CDH18: variants seen among roughly 807,000 people sequenced by gnomAD.
CDH18 encodes the protein cadherin-18.
CDH18 carries 31 observed loss-of-function variants against 67.9 expected under a neutral mutation model. That is an observed-to-expected ratio of 0.46 (90% CI 0.34 to 0.62). The LOEUF is 0.62. Ranked by LOEUF, CDH18 falls within the 20% of genes least tolerant of loss-of-function variation. CDH18 has a pLI of 0.01. For missense variants in CDH18, 890 were observed against 975.5 expected (o/e 0.91, Z 1.17); for synonymous variants, 362 against 347.2 (o/e 1.04, Z -0.48).
rs540915111 is a variant in CDH18, at chr5:20,461,642, T to C, written c.-580+113820A>G. ...CTTGCTAGATACAATCTAGTTTACT[T>C]TGGGGCAAGAGGAAGACTATTAACT... On this transcript the variant is annotated intron_variant, in intron 1 of 14. Transcript: ENST00000507958. Among the ~76,000 whole-genome samples, 780 of 152,182 alleles carry C rather than the reference T, an allele frequency of 5.1e-3. 4 individuals are homozygous for C. The highest frequency in any genetic ancestry group is 9.3e-3 in the Non-Finnish European group (634 of 68,014).
At chr5:19,822,958 G>A (rs1158864543) in intron 3 of CDH18, among the ~76,000 whole-genome samples, 1 of 152,132 alleles carries the variant, frequency 6.6e-6, no homozygotes, top group Non-Finnish European at 1.5e-5. Flanking sequence ...GGCCATTTTA[G>A]AGGCCCACCC....
intron 3 of CDH18, among the ~76,000 whole-genome samples, chr5:19,835,527 T>A (rs780239390): frequency 6.6e-6 from 1 of 152,062 alleles, no homozygotes; most frequent in African/African-American, 2.4e-5. Context: ...ATGAAAATAA[T>A]TGGTTCACTA....
chr5:20,231,635 G>GGAAAA lies in CDH18; in HGVS notation c.-518+23804_-518+23808dup, dbSNP rs1742087742. On this transcript the variant is annotated intron_variant, in intron 2 of 14. Transcript: ENST00000507958. ...AAAAAAGAAAAGAAAAGAAAAGAAA[G>GGAAAA]GAAAAGAAAAGAAACAAAGAAATCA... Among the ~76,000 whole-genome samples the GGAAAA allele has an allele frequency of 5.3e-5, 8 of 149,666 alleles. 2 individuals carry two copies. Among genetic ancestry groups the GGAAAA allele is most frequent in the Admixed American group, 5.3e-4 (8 of 14,970 alleles).
chr5:19,523,230 C>T (rs939259503), intron 9 of CDH18, among the ~76,000 whole-genome samples: 9 of 152,068 alleles, frequency 5.9e-5, no homozygotes, highest in Non-Finnish European at 4.4e-5. Context: ...AAGGCAAAAT[C>T]ATACATATTT....
chr5:20,078,183 C>T (rs752449977), intron 2 of CDH18, among the ~76,000 whole-genome samples: 42 of 152,066 alleles, frequency 2.8e-4, no homozygotes, highest in Admixed American at 1.4e-3. Context: ...CACTTATGGC[C>T]GGGTGTGGTG....
chr5:20,396,540 G>A lies in CDH18; in HGVS notation c.-579-141035C>T, dbSNP rs762124614. Among the ~76,000 whole-genome samples the A allele has an allele frequency of 1.3e-4, 19 of 151,970 alleles. No individual in the cohort carries two copies. The South Asian group carries it at 3.5e-3, about 28-fold the overall frequency. On this transcript the variant is annotated intron_variant, in intron 1 of 14. Transcript: ENST00000507958. ...CATAATAAATGCTGATTAATGTAAAGATAATCTATAAATGTAATTAATTAA... is the reference window on the plus strand; with the variant it reads ...CATAATAAATGCTGATTAATGTAAAAATAATCTATAAATGTAATTAATTAA...
chr5:20,369,925 G>A (rs1157410357), intron 1 of CDH18, among the ~76,000 whole-genome samples: 1 of 152,050 alleles, frequency 6.6e-6, no homozygotes, highest in African/African-American at 2.4e-5. Flanking sequence ...TTGTTACACA[G>A]GTAAACATGT....
At chr5:20,001,967 A>T (rs1056953162) in intron 2 of CDH18, among the ~76,000 whole-genome samples, 1 of 152,142 alleles carries the variant, frequency 6.6e-6, no homozygotes, top group Non-Finnish European at 1.5e-5. Context: ...TTCTCTGTCT[A>T]TCTAAAGATT....
At chr5:20,423,933 C>A (rs561518020) in intron 1 of CDH18, among the ~76,000 whole-genome samples, 1 of 101,272 alleles carries the variant, frequency 9.9e-6, no homozygotes, top group Non-Finnish European at 1.7e-5. Context: ...GGCGACTGAG[C>A]GAGACTCCGT....
intron 10 of CDH18, among the ~76,000 whole-genome samples, chr5:19,509,262 T>C (rs1332432479): frequency 6.6e-6 from 1 of 151,932 alleles, no homozygotes; most frequent in Non-Finnish European, 1.5e-5. Context: ...AACATAAAGA[T>C]GAAAATAATA....
chr5:19,945,140 G>C (rs1795174961), intron 2 of CDH18, among the ~76,000 whole-genome samples: 1 of 152,048 alleles, frequency 6.6e-6, no homozygotes, highest in Non-Finnish European at 1.5e-5. Flanking sequence ...GGATATCCAG[G>C]CCCAATGTCT....
chr5:19,964,967 A>G (rs1797284788), intron 2 of CDH18, among the ~76,000 whole-genome samples: 1 of 152,154 alleles, frequency 6.6e-6, no homozygotes, highest in South Asian at 2.1e-4. Flanking sequence ...ACATTCAATG[A>G]TGTATTATCA....
chr5:20,032,795 A>T (rs1024460620), intron 2 of CDH18, among the ~76,000 whole-genome samples: 2 of 152,124 alleles, frequency 1.3e-5, no homozygotes, highest in Middle Eastern at 3.4e-3. Context: ...AAAAATAATA[A>T]GTTGTTGTTG....
intron 1 of CDH18, among the ~76,000 whole-genome samples, chr5:20,260,456 C>T (rs1744564545): frequency 6.6e-6 from 1 of 151,950 alleles, no homozygotes; most frequent in African/African-American, 2.4e-5. Flanking sequence ...ATAAGTTATA[C>T]TGACTTGATG....
intron 2 of CDH18, among the ~76,000 whole-genome samples, chr5:20,247,524 T>C (rs1000617778): frequency 3.9e-5 from 6 of 152,084 alleles, no homozygotes; most frequent in Non-Finnish European, 1.5e-5. Context: ...CCCAGCACTT[T>C]GGAGGGCGAA....
chr5:19,912,466 C>A (rs907722317), intron 2 of CDH18, among the ~76,000 whole-genome samples: 1 of 152,072 alleles, frequency 6.6e-6, no homozygotes, highest in Non-Finnish European at 1.5e-5. Flanking sequence ...GGAATCTTGT[C>A]AAATGTAGAG....
intron 5 of CDH18, among the ~76,000 whole-genome samples, chr5:19,704,211 T>C (rs1239104387): frequency 7.2e-5 from 11 of 152,148 alleles, no homozygotes; most frequent in Non-Finnish European, 2.9e-5. Context: ...TATAAAGGTT[T>C]GGTAGATACA....
chr5:20,296,934 C>A (rs1747584822), intron 1 of CDH18, among the ~76,000 whole-genome samples: 1 of 151,722 alleles, frequency 6.6e-6, no homozygotes, highest in African/African-American at 2.4e-5. Flanking sequence ...AATACAGATT[C>A]TGTTACATAA....
intron 2 of CDH18, among the ~76,000 whole-genome samples, chr5:20,171,086 T>C (rs923760930): frequency 1.2e-4 from 19 of 152,168 alleles, no homozygotes; most frequent in Non-Finnish European, 2.4e-4. Context: ...CCCTGGTGTA[T>C]ATGTACCACA....
Sources: gnomAD v4.1 joint callset for allele counts (sites outside exome capture counted in the v4.1 genomes callset) on GRCh38, gnomAD v4.1.1 for gene constraint, MANE v1.5 for transcripts, NCBI Gene and HGNC (gene_info 2026-07-23, HGNC 2026-07-21) for gene names.